The following EVL variants were observed in gnomAD, a reference collection of about 807,000 sequenced individuals.
EVL encodes Enah/Vasp-like, also known as ena/VASP-like protein.
A neutral mutation model predicts 59.6 loss-of-function variants in EVL; 21 were observed. The ratio of observed to expected loss-of-function variants is 0.35; its 90% CI spans 0.25 to 0.51. The LOEUF (loss-of-function observed/expected upper bound fraction) is 0.51. EVL is among the 20% of genes least tolerant of loss of function. The probability of loss-of-function intolerance (pLI) is 0.97; values close to 1 mark genes in which losing one functional copy is unlikely to be tolerated. For synonymous variants in EVL, 198 were observed against 203.5 expected, an observed-to-expected ratio of 0.97 and a Z score of 0.23; for missense variants, 462 against 546.6, an observed-to-expected ratio of 0.85 and a Z score of 1.54.
chr14:100,017,911 C>G (rs2061064173), intron 1 of EVL, among the ~76,000 whole-genome samples: 1 of 152,226 alleles, frequency 6.6e-6, no homozygotes, highest in Non-Finnish European at 1.5e-5. Context: ...GACTCTCTTG[C>G]TTCTCTTCGA....
rs1888098501 is a variant in EVL at position 100,126,772 on chromosome 14, G to T, written c.487+1G>T. 1 of 1,613,756 alleles carries T rather than the reference G, an allele frequency of 6.2e-7. No individual in the cohort carries two copies. Reference sequence around the variant, plus strand: ...CTAGAAAGAAGAACCTCGGCCACAGGTGAGAGCCCTCCTCCCCTAGGGCCG... The same window carrying T: ...CTAGAAAGAAGAACCTCGGCCACAGTTGAGAGCCCTCCTCCCCTAGGGCCG... On this transcript the variant is annotated splice_donor_variant, in intron 5 of 13. Coordinates refer to ENST00000392920, the MANE Select transcript of EVL (RefSeq NM_016337.3). LOFTEE classifies it high-confidence loss of function.
chr14:100,067,092 C>T (rs936194683), intron 1 of EVL, among the ~76,000 whole-genome samples: 4 of 152,242 alleles, frequency 2.6e-5, no homozygotes, highest in East Asian at 1.9e-4. Context: ...AAAGCAAAAG[C>T]CCAGGTTTTC....
rs1379774654 is a variant in EVL at position 100,047,114 on chromosome 14, C to CTTTTT, written c.6-37572_6-37571insTTTTT. 2.3e-3 allele frequency among the ~76,000 whole-genome samples: 220 copies of CTTTTT among 95,088 alleles called. 35 individuals carry two copies. Among genetic ancestry groups the CTTTTT allele is most frequent in the Middle Eastern group, 0.013 (2 of 150 alleles). The allele number at this position is 95,088 out of a possible 152,430, so 62.4% of individuals were successfully genotyped here. On this transcript the variant is annotated intron_variant, in intron 1 of 13. Transcript: ENST00000402714. ...ATTTTGAGACCTTGGGCAGATCTCT[C>CTTTTT]TCTCTTTTTTTTTTTTTTTTTTTTT...
chr14:100,086,817 G>A (rs999035586), intron 2 of EVL, among the ~76,000 whole-genome samples: 2 of 152,256 alleles, frequency 1.3e-5, no homozygotes, highest in African/African-American at 4.8e-5. Context: ...ATGTTCAGGA[G>A]ACAGGCTATC....
chr14:100,056,554 C>A (rs2061736701), intron 1 of EVL, among the ~76,000 whole-genome samples: 1 of 152,064 alleles, frequency 6.6e-6, no homozygotes, highest in Admixed American at 6.6e-5. Context: ...TTAAGTTTTT[C>A]TTTTATGCTA....
intron 2 of EVL, among the ~76,000 whole-genome samples, chr14:100,095,436 A>G (rs1463277469): frequency 6.6e-6 from 1 of 152,200 alleles, no homozygotes. Flanking sequence ...TATAATCTAA[A>G]GAGCTGTTTT....
chr14:100,124,992 C>CCACA (rs1295172511), intron 4 of EVL, among the ~76,000 whole-genome samples: 3 of 151,686 alleles, frequency 2.0e-5, no homozygotes, highest in African/African-American at 7.3e-5. Flanking sequence ...CAAGACGAGA[C>CCACA]CACACACATG....
At chr14:100,083,850 T>A (rs2062370927) in intron 1 of EVL, among the ~76,000 whole-genome samples, 1 of 152,344 alleles carries the variant, frequency 6.6e-6, no homozygotes, top group Middle Eastern at 3.4e-3. Context: ...GAATATTATC[T>A]ATGTCATATG....
At position 100,137,760 on chromosome 14, in the gene EVL, G is replaced by A; in HGVS notation, c.1052G>A (p.Ser351Asn). ...CGTAGAACCCCGTCTGTGGCAAAGAGCCCCGAAGCTAAGAGCCCCCTTCAG... is the reference window on the plus strand; with the variant it reads ...CGTAGAACCCCGTCTGTGGCAAAGAACCCCGAAGCTAAGAGCCCCCTTCAG... ...ILSRTPSVAK[S>N]PEAKSPLQSQ... The change falls in exon 11 of 14, where the codon AGC becomes AAC. Residue 351 changes from serine to asparagine, a missense_variant. By Grantham distance (46) the Ser-to-Asn change is conservative. Transcript: ENST00000392920. 1 of 1,614,116 alleles carries A rather than the reference G, an allele frequency of 6.2e-7. No homozygotes were observed.
intron 1 of EVL, among the ~76,000 whole-genome samples, chr14:99,988,024 C>T (rs970990237): frequency 8.8e-5 from 13 of 148,420 alleles, no homozygotes; most frequent in Admixed American, 1.4e-4. Flanking sequence ...AAGTGATTCT[C>T]CTGCCTCAGC....
intron 1 of EVL, among the ~76,000 whole-genome samples, chr14:100,010,376 CATT>C (rs1005251185): frequency 6.6e-6 from 1 of 152,072 alleles, no homozygotes; most frequent in Non-Finnish European, 1.5e-5. Flanking sequence ...ACTTGGTCGT[CATT>C]ATTGTGCTAG....
In EVL at chr14:100,143,797, A is replaced by G; in HGVS notation, c.*59A>G. ...CATCCGGCGACAGAGGACAGCCAGA[A>G]GCCCAGCCAGCCCCAGACTCCAGTG... On this transcript the variant is annotated 3_prime_UTR_variant, in exon 14 of 14. Transcript: ENST00000392920. 3 of 1,581,398 alleles carry G rather than the reference A, an allele frequency of 1.9e-6. No individual in the cohort carries two copies. Among genetic ancestry groups the G allele is most frequent in the Non-Finnish European group, 2.6e-6 (3 of 1,162,882 alleles).
At chr14:99,981,018 T>C (rs1328020550) in intron 1 of EVL, among the ~76,000 whole-genome samples, 2 of 151,834 alleles carry the variant, frequency 1.3e-5, no homozygotes, top group Non-Finnish European at 2.9e-5. Context: ...AAGGATGGCT[T>C]GAGGCCAAAA....
At chr14:100,045,293 C>G (rs1009556919) in intron 1 of EVL, among the ~76,000 whole-genome samples, 6 of 152,208 alleles carry the variant, frequency 3.9e-5, no homozygotes, top group African/African-American at 1.4e-4. Context: ...TTTTAAGTTT[C>G]CAGAGTAATC....
At chr14:100,129,823 T>G in intron 7 of EVL, 139 bp downstream of exon 7, 1 of 1,291,164 alleles carries the variant, frequency 7.7e-7, no homozygotes, top group Non-Finnish European at 1.0e-6. Context: ...AACTGTTACT[T>G]AAGTTTTCCC....
chr14:100,090,484 A>T (rs1435640341), intron 2 of EVL, among the ~76,000 whole-genome samples: 1 of 152,262 alleles, frequency 6.6e-6, no homozygotes, highest in Non-Finnish European at 1.5e-5. Flanking sequence ...CAAAAACTGC[A>T]CAAAAACCTT....
chr14:100,077,015 C>T (rs137928895), intron 1 of EVL, among the ~76,000 whole-genome samples: 2 of 152,218 alleles, frequency 1.3e-5, no homozygotes, highest in East Asian at 3.9e-4. Flanking sequence ...GGAGGATAAG[C>T]TATAGATAGA....
intron 2 of EVL, 79 bp downstream of exon 2, chr14:100,084,934 A>T: frequency 6.7e-7 from 1 of 1,491,914 alleles, no homozygotes; most frequent in African/African-American, 1.4e-5. Flanking sequence ...CACATGTATC[A>T]TTAAGAGGTC....
chr14:100,085,449 G>A (rs2062418888), intron 2 of EVL, among the ~76,000 whole-genome samples: 1 of 152,196 alleles, frequency 6.6e-6, no homozygotes, highest in Non-Finnish European at 1.5e-5. Flanking sequence ...GACTAAAATA[G>A]GGACATGGAG....
Sources: gnomAD v4.1 joint callset for allele counts (sites outside exome capture counted in the v4.1 genomes callset) on GRCh38, gnomAD v4.1.1 for gene constraint, MANE v1.5 for transcripts, NCBI Gene and HGNC (gene_info 2026-07-23, HGNC 2026-07-21) for gene names.